The following SPATS1 variants were observed in gnomAD, a reference collection of about 807,000 sequenced individuals.
The protein encoded by SPATS1 is spermatogenesis-associated serine-rich protein 1.
Under a neutral mutation model 33.6 loss-of-function variants are expected in SPATS1, and 23 were observed. The ratio of observed to expected loss-of-function variants is 0.68; its 90% CI spans 0.49 to 0.97. The LOEUF is 0.97. Among genes scored for constraint, SPATS1 ranks in the 50% least tolerant of loss-of-function variants. The pLI is 0.00. For synonymous variants in SPATS1, 131 were observed against 125.6 expected (o/e 1.04, Z -0.29); for missense variants, 327 against 361.0 (o/e 0.91, Z 0.76).
At chr6:44,371,328 C>G (rs908520901) in intron 7 of SPATS1, among the ~76,000 whole-genome samples, 1 of 151,606 alleles carries the variant, frequency 6.6e-6, no homozygotes, top group Non-Finnish European at 1.5e-5. Flanking sequence ...AGAGAGAAGT[C>G]GATCAGCATA....
intron 3 of SPATS1, among the ~76,000 whole-genome samples, chr6:44,354,447 T>A (rs1315971105): frequency 6.7e-6 from 1 of 149,616 alleles, no homozygotes; most frequent in African/African-American, 2.6e-5. Context: ...CAAGTAAACA[T>A]ATTTTTTGCA....
intron 6 of SPATS1, among the ~76,000 whole-genome samples, chr6:44,369,117 T>C (rs112338982): frequency 0.033 from 4,968 of 152,130 alleles, 121 homozygotes; most frequent in African/African-American, 0.071. Flanking sequence ...AGGATGGTCT[T>C]GATCTCCTGA....
rs1220408993 is a variant in SPATS1, at chr6:44,370,095, C to A, written c.740C>A (p.Pro247His). The A allele has an allele frequency of 1.2e-6, 2 of 1,612,008 alleles. No individual in the cohort carries two copies. The highest frequency in any genetic ancestry group is 1.7e-6 in the Non-Finnish European group (2 of 1,178,670). Residue 247 changes from proline to histidine, a missense_variant, in exon 7 of 9, where the codon CCT (proline) becomes CAT (histidine). Physicochemically the swap from Pro to His is moderately conservative, Grantham distance 77 (BLOSUM62 -2). Coordinates refer to ENST00000674044, the MANE Select transcript of SPATS1 (RefSeq NM_001372081.1). ...TTTGATACATTTATTCCACTTGAGC[C>A]TCTTCCACAAATTCCCAAGTGAGTT... is the stretch of plus-strand genomic sequence containing the variant. ...KKFDTFIPLEPLPQIPNLPFW... is the reference protein window; with the variant it reads ...KKFDTFIPLEHLPQIPNLPFW...
At chr6:44,368,299 A>T in intron 5 of SPATS1, 80 bp from the exon 6 acceptor site, 1 of 1,389,682 alleles carries the variant, frequency 7.2e-7, no homozygotes, top group Non-Finnish European at 9.8e-7. Flanking sequence ...TCCTCTTTCC[A>T]TTGTCATGCC....
intron 2 of SPATS1, among the ~76,000 whole-genome samples, chr6:44,347,031 A>C (rs1484342741): frequency 6.6e-6 from 1 of 152,258 alleles, no homozygotes; most frequent in African/African-American, 2.4e-5. Context: ...ACACCATGGA[A>C]TACTATGCAG....
chr6:44,373,434 C>T (rs866081165), intron 7 of SPATS1, among the ~76,000 whole-genome samples: 13 of 152,082 alleles, frequency 8.5e-5, no homozygotes, highest in South Asian at 2.1e-4. Flanking sequence ...ATCTGATCCC[C>T]GCTACTTCAT....
chr6:44,361,440 C>A, intron 4 of SPATS1: 1 of 985,430 alleles, frequency 1.0e-6, no homozygotes, highest in Non-Finnish European at 1.2e-6. Context: ...ATGGCACTGG[C>A]CTAGCCATTT....
chr6:44,360,568 C>CGAGT lies in SPATS1; in HGVS notation c.411_412+2dup. 6.2e-7 allele frequency: 1 copy of CGAGT among 1,614,004 alleles called. No homozygotes were observed. Among genetic ancestry groups the CGAGT allele is most frequent in the Non-Finnish European group, 8.5e-7 (1 of 1,179,946 alleles). ...GAATTCAGCCTGCTTAAGTTGCAGA[C>CGAGT]GAGTAAGTCACAGACCCTCCTCCAC... On this transcript the variant is annotated frameshift_variant and splice_region_variant, in exon 4 of 9. Coordinates refer to ENST00000674044, the MANE Select transcript of SPATS1 (RefSeq NM_001372081.1). LOFTEE classifies it high-confidence loss of function.
At chr6:44,351,059 G>A (rs1411064035) in intron 2 of SPATS1, among the ~76,000 whole-genome samples, 3 of 147,642 alleles carry the variant, frequency 2.0e-5, no homozygotes, top group African/African-American at 7.5e-5. Flanking sequence ...AGAGGCGGAG[G>A]TGGCAGTGAG....
chr6:44,369,485 G>A (rs1789464087), intron 6 of SPATS1, among the ~76,000 whole-genome samples: 1 of 152,044 alleles, frequency 6.6e-6, no homozygotes, highest in Non-Finnish European at 1.5e-5. Context: ...GGGTGATGGA[G>A]GTTGCAGTGA....
chr6:44,367,244 C>T (rs944356257), intron 5 of SPATS1, among the ~76,000 whole-genome samples: 1 of 152,184 alleles, frequency 6.6e-6, no homozygotes, highest in Non-Finnish European at 1.5e-5. Flanking sequence ...TGTGCCACCA[C>T]ACCCAGCTAA....
intron 2 of SPATS1, among the ~76,000 whole-genome samples, chr6:44,345,670 A>G (rs1787831418): frequency 6.6e-6 from 1 of 152,224 alleles, no homozygotes; most frequent in African/African-American, 2.4e-5. Flanking sequence ...TAAATACCTC[A>G]GAACTCACAT....
intron 3 of SPATS1, among the ~76,000 whole-genome samples, chr6:44,357,019 A>G (rs563119660): frequency 2.6e-5 from 4 of 152,284 alleles, no homozygotes; most frequent in Admixed American, 2.6e-4. Context: ...TTCTAACCAC[A>G]TGTGACCATG....
chr6:44,363,850 C>T (rs1439251221), intron 5 of SPATS1, among the ~76,000 whole-genome samples: 1 of 152,110 alleles, frequency 6.6e-6, no homozygotes, highest in Non-Finnish European at 1.5e-5. Flanking sequence ...TGAAATATCA[C>T]AAATACTTGC....
chr6:44,356,474 CT>C (rs1788597485), intron 3 of SPATS1, among the ~76,000 whole-genome samples: 1 of 152,188 alleles, frequency 6.6e-6, no homozygotes, highest in South Asian at 2.1e-4. Flanking sequence ...TGAGTATAAC[CT>C]AGATCGGTGC....
intron 1 of SPATS1, 120 bp downstream of exon 1, chr6:44,342,888 G>A (rs1303525776): frequency 7.8e-7 from 1 of 1,284,736 alleles, no homozygotes; most frequent in Non-Finnish European, 1.1e-6. Context: ...GCCTGGTTCG[G>A]GCTGGGGGCG....
intron 7 of SPATS1, 90 bp downstream of exon 7, chr6:44,370,203 AC>A (rs2153369633): frequency 1.6e-6 from 2 of 1,229,538 alleles, no homozygotes; most frequent in Non-Finnish European, 2.3e-6. Flanking sequence ...CAGGTAGATA[AC>A]CAGGACACAG....
intron 2 of SPATS1, among the ~76,000 whole-genome samples, chr6:44,344,884 G>A (rs2153364379): frequency 6.6e-6 from 1 of 152,106 alleles, no homozygotes; most frequent in Admixed American, 6.5e-5. Context: ...TCTGACTTCT[G>A]GCTTACTTGA....
intron 2 of SPATS1, among the ~76,000 whole-genome samples, chr6:44,349,987 C>G (rs1019367107): frequency 1.3e-5 from 2 of 152,148 alleles, no homozygotes; most frequent in Non-Finnish European, 2.9e-5. Flanking sequence ...GGACCCGTCT[C>G]CTCATCCTCA....
Sources: allele counts gnomAD v4.1 joint callset (sites outside exome capture counted in the v4.1 genomes callset), GRCh38; gene constraint gnomAD v4.1.1; transcripts MANE v1.5; gene names NCBI Gene and HGNC (gene_info 2026-07-23, HGNC 2026-07-21).